BMP5: variants seen among roughly 807,000 people sequenced by gnomAD.
BMP5 encodes bone morphogenetic protein 5.
In BMP5, 23 loss-of-function variants were observed where a neutral mutation model predicts 46.6. The observed-to-expected ratio is 0.49, with a 90% CI of 0.35 to 0.70. The LOEUF (loss-of-function observed/expected upper bound fraction) is 0.70. Among genes scored for constraint, BMP5 ranks in the 30% least tolerant of loss-of-function variants. The pLI, the probability that BMP5 is intolerant of heterozygous loss-of-function variation, is 0.00. For synonymous variants in BMP5, 204 were observed against 191.9 expected, an observed-to-expected ratio of 1.06 and a Z score of -0.52; for missense variants, 545 against 565.6, an observed-to-expected ratio of 0.96 and a Z score of 0.37.
chr6:55,824,294 A>G (rs1185367352), intron 1 of BMP5, among the ~76,000 whole-genome samples: 1 of 151,966 alleles, frequency 6.6e-6, no homozygotes, highest in African/African-American at 2.4e-5. Context: ...AAAAAAACAG[A>G]GAAGTGTATA....
At chr6:55,868,787 C>G (rs1777711195) in intron 1 of BMP5, among the ~76,000 whole-genome samples, 1 of 152,154 alleles carries the variant, frequency 6.6e-6, no homozygotes. Context: ...TGAGCTGAAT[C>G]TTAAACATCC....
intron 1 of BMP5, among the ~76,000 whole-genome samples, chr6:55,867,214 C>A (rs562482065): frequency 1.3e-5 from 2 of 152,190 alleles, no homozygotes; most frequent in East Asian, 1.9e-4. Flanking sequence ...CTGTATCCCC[C>A]CCGCTGAGTA....
At chr6:55,849,883 C>T (rs1342230624) in intron 1 of BMP5, among the ~76,000 whole-genome samples, 2 of 151,978 alleles carry the variant, frequency 1.3e-5, no homozygotes, top group African/African-American at 4.8e-5. Context: ...TATTTCTATC[C>T]TACCCTTGAT....
intron 4 of BMP5, among the ~76,000 whole-genome samples, chr6:55,771,374 A>C (rs1368037015): frequency 6.6e-6 from 1 of 151,898 alleles, no homozygotes; most frequent in Non-Finnish European, 1.5e-5. Context: ...GAAACAGGAA[A>C]TATCTTCCAC....
Position 55,855,102 on chromosome 6 carries a change from T to C in BMP5, c.490+19274A>G, listed in dbSNP as rs374925294. On this transcript the variant is annotated intron_variant, in intron 1 of 6. Transcript: ENST00000370830. ...TCATATTTTCAGCAACTACCAATAT[T>C]GTTTACCTATTTATGTTTCTCATTC... Among the ~76,000 whole-genome samples, 66 of 152,292 alleles carry C rather than the reference T, an allele frequency of 4.3e-4. No homozygotes were observed. In the South Asian group the frequency reaches 0.013, roughly 30 times the overall value.
At chr6:55,794,245 C>T in intron 3 of BMP5, 34 bp downstream of exon 3, 1 of 1,612,168 alleles carries the variant, frequency 6.2e-7, no homozygotes, top group Middle Eastern at 1.7e-4. Context: ...GTCAAACAAG[C>T]TTCACAAAAA....
chr6:55,782,997 T>G (rs1460828759), intron 3 of BMP5, among the ~76,000 whole-genome samples: 1 of 152,146 alleles, frequency 6.6e-6, no homozygotes, highest in Non-Finnish European at 1.5e-5. Context: ...CTTGGGTTCC[T>G]GTATAAATAT....
chr6:55,875,083 G>T lies in BMP5; in HGVS notation c.-218C>A. The T allele has an allele frequency of 3.9e-6, 2 of 518,172 alleles. No individual in the cohort carries two copies. Among genetic ancestry groups the T allele is most frequent in the Non-Finnish European group, 6.7e-6 (2 of 296,754 alleles). The allele number at this position is 518,172 out of a possible 1,614,324, so 32.1% of individuals were successfully genotyped here. The stretch of plus-strand genomic sequence containing the variant: ...GTCAAGAGTAGTTATTTCTAAGAAA[G>T]CTGAAACTCAGATTTCCAATTATCC... On this transcript the variant is annotated 5_prime_UTR_variant, in exon 1 of 7. Coordinates refer to ENST00000370830, the MANE Select transcript of BMP5 (RefSeq NM_021073.4).
At chr6:55,793,935 ATAGTTGTGTAACCACCACAACTATATTAT>A (rs2127528862) in intron 3 of BMP5, among the ~76,000 whole-genome samples, 1 of 152,288 alleles carries the variant, frequency 6.6e-6, no homozygotes, top group South Asian at 2.1e-4. Context: ...TACAAATCGT[ATAGTTGTGTAACCACCACAACTATATTAT>A]TTTGGTATTG....
At chr6:55,792,818 C>A (rs903739876) in intron 3 of BMP5, among the ~76,000 whole-genome samples, 8 of 152,030 alleles carry the variant, frequency 5.3e-5, no homozygotes, top group Non-Finnish European at 1.0e-4. Context: ...TGTGTAACAC[C>A]GCAATGAAAA....
chr6:55,800,289 G>A (rs1775813983), intron 2 of BMP5, among the ~76,000 whole-genome samples: 1 of 152,132 alleles, frequency 6.6e-6, no homozygotes, highest in Non-Finnish European at 1.5e-5. Flanking sequence ...TTTTGAGAGT[G>A]AAACAAGGAA....
At chr6:55,824,507 A>G (rs3823039) in intron 1 of BMP5, among the ~76,000 whole-genome samples, 33,259 of 151,818 alleles carry the variant, frequency 0.22, 3,836 homozygotes, top group Non-Finnish European at 0.25. Flanking sequence ...TCTCTTAATT[A>G]CCATATAAAA....
chr6:55,864,083 A>G (rs905405043), intron 1 of BMP5, among the ~76,000 whole-genome samples: 3 of 152,344 alleles, frequency 2.0e-5, no homozygotes, highest in Non-Finnish European at 2.9e-5. Context: ...TTATTCCTCA[A>G]TGTAAATTAC....
chr6:55,835,799 A>G (rs1470918862), intron 1 of BMP5, among the ~76,000 whole-genome samples: 1 of 152,212 alleles, frequency 6.6e-6, no homozygotes, highest in Non-Finnish European at 1.5e-5. Flanking sequence ...CTTCAGTGGC[A>G]AGAGACTAAG....
At chr6:55,870,794 C>T (rs1215006534) in intron 1 of BMP5, among the ~76,000 whole-genome samples, 3 of 152,050 alleles carry the variant, frequency 2.0e-5, no homozygotes, top group South Asian at 4.2e-4. Context: ...TTTTTGAAAG[C>T]GTTTTTCTTT....
At chr6:55,778,460 A>G (rs985450808) in intron 3 of BMP5, among the ~76,000 whole-genome samples, 1 of 152,084 alleles carries the variant, frequency 6.6e-6, no homozygotes, top group Admixed American at 6.6e-5. Flanking sequence ...TACTTGGATT[A>G]TGAAATGAAA....
chr6:55,834,357 A>T (rs961446982), intron 1 of BMP5, among the ~76,000 whole-genome samples: 1 of 152,186 alleles, frequency 6.6e-6, no homozygotes, highest in Non-Finnish European at 1.5e-5. Context: ...TCAATAATAA[A>T]AGTAAATATT....
intron 1 of BMP5, among the ~76,000 whole-genome samples, chr6:55,854,429 T>C (rs1175323904): frequency 2.6e-5 from 4 of 152,100 alleles, no homozygotes; most frequent in African/African-American, 9.7e-5. Context: ...GTTAATCTAA[T>C]GTCTCTTTTT....
At chr6:55,768,324 A>G (rs1455205064) in intron 4 of BMP5, among the ~76,000 whole-genome samples, 3 of 151,966 alleles carry the variant, frequency 2.0e-5, no homozygotes, top group Non-Finnish European at 4.4e-5. Flanking sequence ...TAAATTGATG[A>G]TGGTTTGAAA....
Sources: gnomAD v4.1 joint callset for allele counts (sites outside exome capture counted in the v4.1 genomes callset) on GRCh38, gnomAD v4.1.1 for gene constraint, MANE v1.5 for transcripts, NCBI Gene and HGNC (gene_info 2026-07-23, HGNC 2026-07-21) for gene names.